APPBP2: variants seen among roughly 807,000 people sequenced by gnomAD.
APPBP2 encodes the protein amyloid protein-binding protein 2.
A neutral mutation model predicts 76.0 loss-of-function variants in APPBP2; 15 were observed. That is an observed-to-expected ratio of 0.20 (90% CI 0.13 to 0.30). The LOEUF is 0.30. Ranked by LOEUF, APPBP2 falls within the 10% of genes least tolerant of loss-of-function variation. The probability of loss-of-function intolerance (pLI) is 1.00; values close to 1 mark genes in which losing one functional copy is unlikely to be tolerated. For synonymous variants in APPBP2, 222 were observed against 242.2 expected (o/e 0.92, Z 0.77); for missense variants, 401 against 687.2 (o/e 0.58, Z 4.66).
intron 1 of APPBP2, among the ~76,000 whole-genome samples, chr17:60,509,049 T>C (rs948321773): frequency 6.6e-6 from 1 of 152,282 alleles, no homozygotes; most frequent in Admixed American, 6.5e-5. Flanking sequence ...CATGTGGAAC[T>C]TACCTGCATC....
rs879508554 is a variant in APPBP2 at position 60,499,332 on chromosome 17, C to CA, written c.227+1066dup. Among the ~76,000 whole-genome samples the CA allele has an allele frequency of 8.8e-3, 1,123 of 126,902 alleles. 6 individuals carry two copies. The highest frequency in any genetic ancestry group is 0.025 in the African/African-American group (878 of 34,870). 83.3% of individuals were successfully genotyped at this position (126,902 alleles called of 152,430 possible). A position where few individuals can be genotyped will look rare whatever the true frequency, so the allele number is the denominator to read the frequency against. ...CTGGCAACAGAACAAGACTGTGTCT[C>CA]AAAAAAAAAAAAAATATGGAAAACA... On this transcript the variant is annotated intron_variant, in intron 2 of 12. Transcript: ENST00000083182.
intron 1 of APPBP2, chr17:60,513,323 C>CA: frequency 1.7e-6 from 1 of 582,242 alleles, no homozygotes; most frequent in South Asian, 2.0e-5. Context: ...TTCATCAAAT[C>CA]AGAGTGGAAA....
rs185466298 is a variant in APPBP2, at chr17:60,525,776, G to C, written c.138+18C>G. ...GGGGTTGCTGGAGGAGAGCAGAGAG[G>C]AGGCCCACGGCGCATACCTTGTAGT... On this transcript the variant is annotated intron_variant, in intron 1 of 12. Transcript: ENST00000083182. 1 of 1,613,538 alleles carries C rather than the reference G, an allele frequency of 6.2e-7. No homozygotes were observed. Among genetic ancestry groups the C allele is most frequent in the East Asian group, 2.2e-5 (1 of 44,888 alleles).
At chr17:60,490,863 A>G (rs191528644) in intron 3 of APPBP2, among the ~76,000 whole-genome samples, 1 of 152,250 alleles carries the variant, frequency 6.6e-6, no homozygotes, top group African/African-American at 2.4e-5. Flanking sequence ...ACCTTCCACC[A>G]TGATTGTGAG....
Position 60,526,137 on chromosome 17 carries a change from G to A in APPBP2, c.-206C>T. The A allele has an allele frequency of 8.6e-6, 5 of 578,836 alleles. No individual in the cohort carries two copies. Among genetic ancestry groups the A allele is most frequent in the Non-Finnish European group, 1.5e-5 (5 of 325,286 alleles). 35.9% of individuals were successfully genotyped at this position (578,836 alleles called of 1,614,324 possible). ...GGACGCAGGCCCGAGTAAAAAGTGG[G>A]ACAGAAAACAGCGGCCAGCCAGGCC... On this transcript the variant is annotated 5_prime_UTR_variant, in exon 1 of 13. Transcript: ENST00000083182.
At chr17:60,525,559 A>T (rs1180804726) in intron 1 of APPBP2, among the ~76,000 whole-genome samples, 1 of 152,202 alleles carries the variant, frequency 6.6e-6, no homozygotes, top group Non-Finnish European at 1.5e-5. Flanking sequence ...GTAGAAGGGA[A>T]CACCAACAGG....
chr17:60,458,502 CTTTTA>C (rs929977135), intron 9 of APPBP2, among the ~76,000 whole-genome samples: 1 of 151,532 alleles, frequency 6.6e-6, no homozygotes, highest in African/African-American at 2.4e-5. Context: ...TTCATTCTTT[CTTTTA>C]TATTAGAGTT....
chr17:60,512,791 C>A (rs1598374854), intron 1 of APPBP2, among the ~76,000 whole-genome samples: 3 of 141,654 alleles, frequency 2.1e-5, no homozygotes, highest in Non-Finnish European at 4.5e-5. Context: ...GCCGAGACTG[C>A]CCATTACACT....
At chr17:60,493,838 G>A (rs960277129) in intron 3 of APPBP2, among the ~76,000 whole-genome samples, 4 of 151,900 alleles carry the variant, frequency 2.6e-5, no homozygotes, top group Admixed American at 6.6e-5. Flanking sequence ...ACAGGATTTC[G>A]CCATGCTGGC....
chr17:60,523,306 T>A (rs1385189343), intron 1 of APPBP2, among the ~76,000 whole-genome samples: 1 of 151,642 alleles, frequency 6.6e-6, no homozygotes, highest in South Asian at 2.1e-4. Flanking sequence ...CTGGGCAATA[T>A]ATCAAGACCT....
In APPBP2 at chr17:60,447,941, G is replaced by C. The variant is rs1406672287; in HGVS notation, c.1505-107C>G. ...CAATTCTTTAAACAGGGTGGCTTAG[G>C]TTTATTCCCCTGAAAGGAATAGATA... On this transcript the variant is annotated intron_variant, in intron 12 of 12. Coordinates refer to ENST00000083182, the MANE Select transcript of APPBP2 (RefSeq NM_006380.5). 7 of 1,038,250 alleles carry C rather than the reference G, an allele frequency of 6.7e-6. No individual in the cohort carries two copies. The Admixed American group carries it at 1.0e-4, about 15-fold the overall frequency. The allele number at this position is 1,038,250 out of a possible 1,614,324, so 64.3% of individuals were successfully genotyped here.
intron 1 of APPBP2, among the ~76,000 whole-genome samples, chr17:60,501,849 T>C (rs929566585): frequency 1.3e-5 from 2 of 152,016 alleles, no homozygotes; most frequent in African/African-American, 4.8e-5. Context: ...AAATCACTAG[T>C]CACAATGGAG....
intron 1 of APPBP2, among the ~76,000 whole-genome samples, chr17:60,515,102 C>T (rs2090952152): frequency 6.6e-6 from 1 of 150,766 alleles, no homozygotes; most frequent in African/African-American, 2.5e-5. Context: ...CTGCGCCTGG[C>T]CTATTTTAAA....
chr17:60,483,873 T>C (rs544118920), intron 3 of APPBP2, among the ~76,000 whole-genome samples: 3 of 152,328 alleles, frequency 2.0e-5, no homozygotes, highest in East Asian at 3.9e-4. Context: ...GTCTAACATT[T>C]AAGTCTTTAA....
chr17:60,491,905 T>C (rs1320952976), intron 3 of APPBP2, among the ~76,000 whole-genome samples: 2 of 152,152 alleles, frequency 1.3e-5, no homozygotes, highest in Admixed American at 6.5e-5. Context: ...TCCAAGACAA[T>C]GGAGAAAATG....
intron 1 of APPBP2, among the ~76,000 whole-genome samples, chr17:60,515,083 C>T (rs1435295166): frequency 6.6e-6 from 1 of 151,262 alleles, no homozygotes; most frequent in African/African-American, 2.4e-5. Context: ...GGATTACAGG[C>T]ATCAACCACT....
chr17:60,522,701 C>T (rs907605931), intron 1 of APPBP2, among the ~76,000 whole-genome samples: 1 of 152,000 alleles, frequency 6.6e-6, no homozygotes, highest in African/African-American at 2.4e-5. Flanking sequence ...AATTTATGCA[C>T]GGTGAAGGAG....
At chr17:60,457,088 T>C (rs1403302968) in intron 9 of APPBP2, among the ~76,000 whole-genome samples, 2 of 150,946 alleles carry the variant, frequency 1.3e-5, no homozygotes, top group East Asian at 1.9e-4. Flanking sequence ...CGAGCCAAGA[T>C]TGCACCATTG....
intron 4 of APPBP2, among the ~76,000 whole-genome samples, chr17:60,471,552 C>T: frequency 6.7e-6 from 1 of 148,356 alleles, no homozygotes. Flanking sequence ...TGCTAAATGT[C>T]TTTTCTGTGT....
Sources: gnomAD v4.1 joint callset for allele counts (sites outside exome capture counted in the v4.1 genomes callset) on GRCh38, gnomAD v4.1.1 for gene constraint, MANE v1.5 for transcripts, NCBI Gene and HGNC (gene_info 2026-07-23, HGNC 2026-07-21) for gene names.